Variants in MAGI2 observed in about 807,000 individuals in gnomAD.
The protein encoded by MAGI2 is membrane associated guanylate kinase, WW and PDZ domain containing 2, also known as membrane-associated guanylate kinase, WW and PDZ domain-containing protein 2.
In MAGI2, 35 loss-of-function variants were observed where a neutral mutation model predicts 133.3. The observed-to-expected ratio is 0.26, with a 90% CI of 0.20 to 0.35. MAGI2 has a LOEUF of 0.35. Among genes scored for constraint, MAGI2 ranks in the 10% least tolerant of loss-of-function variants. MAGI2 has a pLI of 1.00. For synonymous variants in MAGI2, 729 were observed against 710.6 expected (o/e 1.03, Z -0.41); for missense variants, 1,636 against 1,863.4 (o/e 0.88, Z 2.25).
chr7:78,804,865 C>T (rs940824204), intron 2 of MAGI2, among the ~76,000 whole-genome samples: 4 of 151,442 alleles, frequency 2.6e-5, no homozygotes, highest in East Asian at 1.9e-4. Context: ...ACCAGGAGTT[C>T]GAAACCAGTC....
intron 1 of MAGI2, among the ~76,000 whole-genome samples, chr7:79,392,473 C>T (rs1309487959): frequency 6.6e-6 from 1 of 152,160 alleles, no homozygotes; most frequent in Non-Finnish European, 1.5e-5. Flanking sequence ...ACAATCCCAC[C>T]AACAGTGTAA....
chr7:78,299,655 T>C (rs766434552), intron 9 of MAGI2, among the ~76,000 whole-genome samples: 16 of 152,088 alleles, frequency 1.1e-4, no homozygotes, highest in Non-Finnish European at 2.1e-4. Flanking sequence ...GTTTGTGACA[T>C]AGGTAAACTT....
chr7:79,038,877 T>C (rs552160284), intron 1 of MAGI2, among the ~76,000 whole-genome samples: 32 of 152,172 alleles, frequency 2.1e-4, no homozygotes, highest in Non-Finnish European at 3.8e-4. Flanking sequence ...ATGCTACACA[T>C]AGAAAAACAT....
intron 10 of MAGI2, among the ~76,000 whole-genome samples, chr7:78,203,930 T>G (rs1039634850): frequency 6.6e-6 from 1 of 152,208 alleles, no homozygotes; most frequent in Non-Finnish European, 1.5e-5. Flanking sequence ...CATTTCTTAC[T>G]TTTTTTGTGG....
chr7:78,607,814 C>T (rs1382159896), intron 3 of MAGI2, among the ~76,000 whole-genome samples: 1 of 152,198 alleles, frequency 6.6e-6, no homozygotes, highest in East Asian at 1.9e-4. Flanking sequence ...TCCATGAGAG[C>T]TCTGAATCCC....
chr7:79,054,964 T>G (rs891455144), intron 1 of MAGI2, among the ~76,000 whole-genome samples: 2 of 152,198 alleles, frequency 1.3e-5, no homozygotes, highest in Admixed American at 6.5e-5. Context: ...CTAATTTTTT[T>G]GCATTTTTAG....
intron 1 of MAGI2, among the ~76,000 whole-genome samples, chr7:79,306,245 T>C (rs4020432): frequency 6.8e-6 from 1 of 147,058 alleles, no homozygotes; most frequent in East Asian, 2.0e-4. Context: ...TATGTATATG[T>C]ATATTTTATT....
chr7:78,663,202 C>CTTTT (rs35544274), intron 2 of MAGI2, among the ~76,000 whole-genome samples: 2 of 109,244 alleles, frequency 1.8e-5, no homozygotes, highest in African/African-American at 3.4e-5. Context: ...TGTACCAACT[C>CTTTT]TTTTTTTTTT....
At chr7:78,622,163 GTT>G (rs1437303961) in intron 3 of MAGI2, among the ~76,000 whole-genome samples, 2 of 152,022 alleles carry the variant, frequency 1.3e-5, no homozygotes, top group Non-Finnish European at 2.9e-5. Context: ...TCTACCTCCA[GTT>G]ACATTAGCAG....
chr7:78,504,372 C>G (rs1215939563), intron 4 of MAGI2, among the ~76,000 whole-genome samples: 2 of 152,116 alleles, frequency 1.3e-5, no homozygotes, highest in Non-Finnish European at 2.9e-5. Context: ...GATTCATTTA[C>G]CCCACATTTA....
rs1054567814 is a variant in MAGI2, at chr7:79,252,318, GAAAC to G, written c.301+200698_301+200701del. Among the ~76,000 whole-genome samples the G allele has an allele frequency of 2.0e-4, 31 of 152,120 alleles. 1 individual carries two copies. The highest frequency in any genetic ancestry group is 7.5e-4 in the African/African-American group (31 of 41,500). ...TCATTACATTAAGTAAAATAAGCCA[GAAAC>G]AAACAAACAAACAAAGAAAACAAAC... On this transcript the variant is annotated intron_variant, in intron 1 of 21. Coordinates refer to ENST00000354212, the MANE Select transcript of MAGI2 (RefSeq NM_012301.4).
chr7:79,297,176 T>C (rs6980419), intron 1 of MAGI2, among the ~76,000 whole-genome samples: 150,698 of 152,312 alleles, frequency 0.99, 74,576 homozygotes, highest in Middle Eastern at 1. Context: ...CCACCTGGCC[T>C]ACAGTGTTTG....
intron 1 of MAGI2, among the ~76,000 whole-genome samples, chr7:79,021,814 G>T (rs556364695): frequency 1.8e-3 from 262 of 149,120 alleles, no homozygotes; most frequent in African/African-American, 6.0e-3. Context: ...GATTTGGGAG[G>T]GGCCAGGGTG....
chr7:78,566,024 C>T (rs1800906212), intron 3 of MAGI2, among the ~76,000 whole-genome samples: 8 of 152,058 alleles, frequency 5.3e-5, no homozygotes, highest in Admixed American at 5.2e-4. Flanking sequence ...ATAACTATTC[C>T]AGGAAGCAAT....
chr7:78,114,925 G>A (rs1168539579), intron 20 of MAGI2, among the ~76,000 whole-genome samples: 3 of 152,210 alleles, frequency 2.0e-5, no homozygotes, highest in African/African-American at 4.8e-5. Flanking sequence ...ACTGTGAGAG[G>A]GGGCAACTGC....
intron 2 of MAGI2, among the ~76,000 whole-genome samples, chr7:78,878,134 C>T (rs890520966): frequency 1.1e-4 from 16 of 152,158 alleles, no homozygotes; most frequent in African/African-American, 3.4e-4. Flanking sequence ...AAAGACCTTA[C>T]CACATTACAT....
At chr7:78,553,828 A>G (rs1444465738) in intron 3 of MAGI2, among the ~76,000 whole-genome samples, 1 of 152,182 alleles carries the variant, frequency 6.6e-6, no homozygotes, top group Non-Finnish European at 1.5e-5. Flanking sequence ...CTGCTATGAC[A>G]CATTGCTTCC....
At chr7:78,893,532 T>G (rs6961796) in intron 2 of MAGI2, among the ~76,000 whole-genome samples, 1 of 151,804 alleles carries the variant, frequency 6.6e-6, no homozygotes, top group Non-Finnish European at 1.5e-5. Context: ...CATATACACC[T>G]TGGAATACTA....
At chr7:78,412,358 T>C (rs1322436135) in intron 6 of MAGI2, among the ~76,000 whole-genome samples, 1 of 151,968 alleles carries the variant, frequency 6.6e-6, no homozygotes, top group Non-Finnish European at 1.5e-5. Flanking sequence ...TCTAATGAAG[T>C]TGGCATAAAT....
Sources: gnomAD v4.1 joint callset for allele counts (sites outside exome capture counted in the v4.1 genomes callset) on GRCh38, gnomAD v4.1.1 for gene constraint, MANE v1.5 for transcripts, NCBI Gene and HGNC (gene_info 2026-07-23, HGNC 2026-07-21) for gene names.